Variants in AR observed in about 807,000 individuals in gnomAD.
The protein encoded by AR is dihydrotestosterone receptor.
AR carries 8 observed loss-of-function variants against 53.9 expected under a neutral mutation model. The observed-to-expected ratio is 0.15, with a 90% CI of 0.09 to 0.27. The LOEUF (loss-of-function observed/expected upper bound fraction) is 0.27, where lower values mean the gene tolerates loss of function less well. AR is among the 10% of genes least tolerant of loss of function. The pLI is 1.00. For missense variants in AR, 639 were observed against 742.5 expected, an observed-to-expected ratio of 0.86 and a Z score of 1.62; for synonymous variants, 359 against 316.4, an observed-to-expected ratio of 1.13 and a Z score of -1.43.
chrX:67,698,261 G>T (rs1268754255), intron 3 of AR, among the ~76,000 whole-genome samples: 1 of 112,412 alleles, frequency 8.9e-6, no homozygotes, highest in Non-Finnish European at 1.9e-5. Context: ...TAATCCTAAA[G>T]TTATACAGTA....
chrX:67,565,010 G>A (rs1363556870), intron 1 of AR, among the ~76,000 whole-genome samples: 2 of 111,177 alleles, frequency 1.8e-5, no homozygotes, highest in Non-Finnish European at 1.9e-5. Flanking sequence ...TCTTGTTTGA[G>A]GCAACTATCC....
chrX:67,612,696 T>A (rs1923937875), intron 1 of AR, among the ~76,000 whole-genome samples: 1 of 111,974 alleles, frequency 8.9e-6, no homozygotes, highest in South Asian at 3.7e-4. Flanking sequence ...AAATGATCAA[T>A]CAACCATTTA....
At chrX:67,580,928 A>G (rs1452345579) in intron 1 of AR, among the ~76,000 whole-genome samples, 2 of 112,008 alleles carry the variant, frequency 1.8e-5, no homozygotes, top group African/African-American at 6.5e-5. Flanking sequence ...TATTTGTTGA[A>G]TGAATAAGTC....
intron 2 of AR, among the ~76,000 whole-genome samples, chrX:67,682,477 G>A (rs2147492601): frequency 9.2e-6 from 1 of 108,932 alleles, no homozygotes; most frequent in African/African-American, 3.3e-5. Context: ...TTTTTATAGA[G>A]ACGGAGTCTC....
chrX:67,601,439 C>T (rs747583251), intron 1 of AR, among the ~76,000 whole-genome samples: 1 of 111,471 alleles, frequency 9.0e-6, no homozygotes, highest in East Asian at 2.8e-4. Context: ...GGGATTTCAG[C>T]GTTAGAAGAG....
At position 67,545,583 on chromosome X, in the gene AR, C is replaced by T. The variant is rs1428754151; in HGVS notation, c.437C>T (p.Pro146Leu). 1.7e-6 allele frequency: 2 copies of T among 1,183,052 alleles called. No individual in the cohort carries two copies. Among genetic ancestry groups the T allele is most frequent in the Non-Finnish European group, 2.3e-6 (2 of 881,812 alleles). Residue 146 changes from proline (P) to leucine (L), a missense_variant, in exon 1 of 8, where the codon CCG (proline) becomes CTG (leucine). Around this residue, in one of 5 missense-constraint regions of AR, gnomAD observed 423 missense variants for 377.0 expected, o/e 1.12. Transcript: ENST00000374690. Reference protein sequence around the residue: ...GAAVAASKGLPQQLPAPPDED... With the variant: ...GAAVAASKGLLQQLPAPPDED... ...GCCGTGGCCGCCAGCAAGGGGCTGC[C>T]GCAGCAGCTGCCAGCACCTCCGGAC...
chrX:67,589,397 C>T (rs954725587), intron 1 of AR, among the ~76,000 whole-genome samples: 3 of 112,123 alleles, frequency 2.7e-5, no homozygotes, highest in African/African-American at 9.7e-5. Context: ...AACTTTAGCT[C>T]ACGGCCTTAC....
intron 1 of AR, among the ~76,000 whole-genome samples, chrX:67,560,421 C>G (rs1181933078): frequency 8.9e-6 from 1 of 111,772 alleles, no homozygotes; most frequent in Non-Finnish European, 1.9e-5. Flanking sequence ...AAGTTTAGCT[C>G]CAATCTTGTC....
intron 2 of AR, among the ~76,000 whole-genome samples, chrX:67,683,480 A>G (rs780249842): frequency 8.9e-6 from 1 of 111,979 alleles, no homozygotes; most frequent in Non-Finnish European, 1.9e-5. Context: ...GATTTTAATG[A>G]CTTTCCAGTC....
intron 1 of AR, among the ~76,000 whole-genome samples, chrX:67,569,992 C>A (rs1478434594): frequency 9.0e-6 from 1 of 111,553 alleles, no homozygotes; most frequent in Non-Finnish European, 1.9e-5. Flanking sequence ...TGGGCCTTTG[C>A]AGTTTTTGGC....
chrX:67,652,353 CATTT>C (rs1320768827), intron 2 of AR, among the ~76,000 whole-genome samples: 5 of 111,619 alleles, frequency 4.5e-5, no homozygotes, highest in Non-Finnish European at 9.4e-5. Flanking sequence ...GTCACAAGCT[CATTT>C]ACTTACAGGA....
rs755644981 is a variant in AR at position 67,546,161 on chromosome X, C to T, written c.1015C>T (p.Leu339Phe). The change falls in exon 1 of 8, where the codon CTT (leucine) becomes TTT (phenylalanine). Residue 339 changes from leucine to phenylalanine, a missense_variant. Leu to Phe is a conservative substitution (Grantham distance 22, BLOSUM62 0). This residue lies in a region of AR where 423 missense variants were observed against 377.0 expected (regional missense o/e 1.12). Transcript: ENST00000374690. ...GSAAAGSSGT[L>F]ELPSTLSLYK... ...CGCTGCAGCAGGGAGCTCCGGGACA[C>T]TTGAACTGCCGTCTACCCTGTCTCT... The T allele has an allele frequency of 7.4e-6, 9 of 1,212,197 alleles. No homozygotes were observed. The highest frequency in any genetic ancestry group is 1.0e-5 in the Non-Finnish European group (9 of 895,617).
chrX:67,593,085 C>T (rs1459084152), intron 1 of AR, among the ~76,000 whole-genome samples: 18 of 112,060 alleles, frequency 1.6e-4, no homozygotes, highest in Non-Finnish European at 1.9e-5. Context: ...GAATCAAATT[C>T]CCAATGTTTC....
chrX:67,719,593 G>A (rs1276011416), intron 5 of AR, among the ~76,000 whole-genome samples: 3 of 111,978 alleles, frequency 2.7e-5, no homozygotes, highest in Non-Finnish European at 3.8e-5. Context: ...CTGTGTTAGA[G>A]CTCTCAGGGT....
chrX:67,603,722 A>G (rs1003946235), intron 1 of AR, among the ~76,000 whole-genome samples: 2 of 111,872 alleles, frequency 1.8e-5, no homozygotes, highest in African/African-American at 6.5e-5. Context: ...AAAGGGGTGA[A>G]CTGATCACAT....
chrX:67,677,600 C>T (rs1030659453), intron 2 of AR, among the ~76,000 whole-genome samples: 2 of 111,790 alleles, frequency 1.8e-5, no homozygotes, highest in African/African-American at 6.5e-5. Context: ...TCTTATAAAT[C>T]GAGAGGAATG....
chrX:67,702,349 A>C (rs1053750013), intron 3 of AR, among the ~76,000 whole-genome samples: 5 of 111,253 alleles, frequency 4.5e-5, no homozygotes, highest in African/African-American at 1.6e-4. Flanking sequence ...AGGGGAGCAG[A>C]TCCTGTAGGC....
chrX:67,554,916 A>C (rs1376859959), intron 1 of AR, among the ~76,000 whole-genome samples: 1 of 91,450 alleles, frequency 1.1e-5, no homozygotes, highest in Non-Finnish European at 2.3e-5. Context: ...AGGCTCCGTC[A>C]AAAAAAAAAA....
At chrX:67,677,502 C>T (rs1201991455) in intron 2 of AR, among the ~76,000 whole-genome samples, 1 of 111,882 alleles carries the variant, frequency 8.9e-6, no homozygotes, top group Non-Finnish European at 1.9e-5. Flanking sequence ...TCGTACACTG[C>T]TGAATATCTT....
Sources: allele counts gnomAD v4.1 joint callset (sites outside exome capture counted in the v4.1 genomes callset), GRCh38; gene constraint gnomAD v4.1.1; regional missense constraint gnomAD v4.1.1; transcripts MANE v1.5; gene names NCBI Gene and HGNC (gene_info 2026-07-23, HGNC 2026-07-21).